TM9SF3: variants seen among roughly 807,000 people sequenced by gnomAD.
TM9SF3 encodes SM-11044-binding protein.
TM9SF3 carries 14 observed loss-of-function variants against 78.6 expected under a neutral mutation model. The observed-to-expected ratio is 0.18, with a 90% confidence interval of 0.12 to 0.28. The LOEUF (loss-of-function observed/expected upper bound fraction) is 0.28, where lower values mean the gene tolerates loss of function less well. Ranked by LOEUF, TM9SF3 falls within the 10% of genes least tolerant of loss-of-function variation. The pLI is 1.00. For missense variants in TM9SF3, 496 were observed against 721.9 expected (o/e 0.69, Z 3.59); for synonymous variants, 231 against 241.7 (o/e 0.96, Z 0.41).
chr10:96,551,150 A>G (rs949413056), intron 7 of TM9SF3, 95 bp downstream of exon 7: 1 of 1,016,212 alleles, frequency 9.8e-7, no homozygotes, highest in Non-Finnish European at 1.4e-6. Context: ...AAAGGAAATA[A>G]GTAACGATTT....
At chr10:96,551,873 A>G (rs1169601474) in intron 6 of TM9SF3, among the ~76,000 whole-genome samples, 1 of 152,214 alleles carries the variant, frequency 6.6e-6, no homozygotes, top group Non-Finnish European at 1.5e-5. Context: ...CTAAGAAAAC[A>G]TATGGGGGAA....
chr10:96,585,685 C>G (rs529485914), intron 1 of TM9SF3, among the ~76,000 whole-genome samples: 1 of 152,336 alleles, frequency 6.6e-6, no homozygotes, highest in African/African-American at 2.4e-5. Flanking sequence ...GTAAGGACGA[C>G]TGCTTCATTT....
At chr10:96,575,742 AAGG>A (rs1240309612) in intron 2 of TM9SF3, among the ~76,000 whole-genome samples, 4 of 151,962 alleles carry the variant, frequency 2.6e-5, no homozygotes, top group Admixed American at 1.3e-4. Context: ...AAAAAAAAAA[AAGG>A]AGGATTAAAA....
chr10:96,522,963 C>A (rs1196467211), intron 14 of TM9SF3, among the ~76,000 whole-genome samples: 2 of 151,768 alleles, frequency 1.3e-5, no homozygotes, highest in Non-Finnish European at 3.0e-5. Flanking sequence ...TTAGCCTCAA[C>A]CAGAGCTTAA....
At chr10:96,575,757 C>T (rs922715598) in intron 2 of TM9SF3, among the ~76,000 whole-genome samples, 1 of 149,152 alleles carries the variant, frequency 6.7e-6, no homozygotes, top group African/African-American at 2.5e-5. Flanking sequence ...GGATTAAAAT[C>T]CAAAGCTCCT....
chr10:96,519,693 T>C lies in TM9SF3; in HGVS notation c.*2570A>G, dbSNP rs1283741688. 2.0e-5 allele frequency: 3 copies of C among 151,946 alleles called. No individual in the cohort carries two copies. The highest frequency in any genetic ancestry group is 2.0e-4 in the Admixed American group (3 of 15,264). The allele number at this position is 151,946 out of a possible 1,614,324, so 9.4% of individuals were successfully genotyped here. A position where few individuals can be genotyped will look rare whatever the true frequency, so the allele number is the denominator to read the frequency against. ...GGGGTATAAAAACCTCACCTTTCAA[T>C]TAACTTGAATAATGTTCTATTTTCT... is the stretch of plus-strand genomic sequence containing the variant. On this transcript the variant is annotated 3_prime_UTR_variant, in exon 15 of 15. Coordinates refer to ENST00000371142, the MANE Select transcript of TM9SF3 (RefSeq NM_020123.4).
At chr10:96,580,670 C>T (rs963090549) in intron 1 of TM9SF3, among the ~76,000 whole-genome samples, 1 of 152,106 alleles carries the variant, frequency 6.6e-6, no homozygotes, top group African/African-American at 2.4e-5. Context: ...CCTCCTTTTT[C>T]AAATCCTCAA....
chr10:96,569,826 G>A (rs1848419389), intron 2 of TM9SF3, among the ~76,000 whole-genome samples: 1 of 152,158 alleles, frequency 6.6e-6, no homozygotes, highest in Non-Finnish European at 1.5e-5. Context: ...GAGGTCAGGA[G>A]ATCAAGACCA....
At chr10:96,540,753 G>A (rs1419942966) in intron 9 of TM9SF3, among the ~76,000 whole-genome samples, 2 of 118,974 alleles carry the variant, frequency 1.7e-5, no homozygotes, top group Non-Finnish European at 3.6e-5. Flanking sequence ...TCTAACATTG[G>A]TTTTATATTA....
intron 5 of TM9SF3, among the ~76,000 whole-genome samples, chr10:96,557,859 TCTA>T (rs1452601319): frequency 4.6e-5 from 7 of 152,218 alleles, no homozygotes; most frequent in African/African-American, 1.7e-4. Flanking sequence ...TGTTCTGCTG[TCTA>T]CTTTTTCTTT....
At chr10:96,542,680 A>C (rs553834592) in intron 9 of TM9SF3, among the ~76,000 whole-genome samples, 73 of 152,154 alleles carry the variant, frequency 4.8e-4, no homozygotes, top group Middle Eastern at 3.4e-3. Flanking sequence ...GACTCACTCT[A>C]TGTACTTTCT....
At position 96,522,157 on chromosome 10, in the gene TM9SF3, AGT is replaced by A. The variant is rs1847784474; in HGVS notation, c.*104_*105del. 1.1e-6 allele frequency: 1 copy of A among 889,872 alleles called. No homozygotes were observed. The highest frequency in any genetic ancestry group is 1.6e-5 in the South Asian group (1 of 63,526). The allele number at this position is 889,872 out of a possible 1,614,324, so 55.1% of individuals were successfully genotyped here. On this transcript the variant is annotated 3_prime_UTR_variant, in exon 15 of 15. Coordinates refer to ENST00000371142, the MANE Select transcript of TM9SF3 (RefSeq NM_020123.4). ...CGAAAGAGAGACCCACAAAGTACCC[AGT>A]GTGTTAAAGCCCAAATCTCTTCTTG...
rs1847772322 is a variant in TM9SF3, at chr10:96,521,502, T to C, written c.*761A>G. On this transcript the variant is annotated 3_prime_UTR_variant, in exon 15 of 15. Coordinates refer to ENST00000371142, the MANE Select transcript of TM9SF3 (RefSeq NM_020123.4). ...ATGTTTAATAAAAACAAGTATCTTC[T>C]CCATTTAACACTTTGCTTTCTAACT... is the stretch of plus-strand genomic sequence containing the variant. 6.6e-6 allele frequency: 1 copy of C among 152,342 alleles called. No homozygotes were observed. The highest frequency in any genetic ancestry group is 1.5e-5 in the Non-Finnish European group (1 of 67,842). 9.4% of individuals were successfully genotyped at this position (152,342 alleles called of 1,614,324 possible). A position where few individuals can be genotyped will look rare whatever the true frequency, so the allele number is the denominator to read the frequency against.
chr10:96,525,564 A>T (rs1156035), intron 14 of TM9SF3, among the ~76,000 whole-genome samples: 5 of 151,858 alleles, frequency 3.3e-5, no homozygotes, highest in African/African-American at 1.2e-4. Flanking sequence ...ACCAAGACTT[A>T]GCTTTTAATA....
chr10:96,565,190 C>A, intron 3 of TM9SF3, 114 bp downstream of exon 3: 1 of 1,008,404 alleles, frequency 9.9e-7, no homozygotes, highest in South Asian at 3.4e-5. Context: ...CTGTAAAAAA[C>A]AGTGAAAACA....
At chr10:96,582,635 T>C (rs896373803) in intron 1 of TM9SF3, among the ~76,000 whole-genome samples, 6 of 152,230 alleles carry the variant, frequency 3.9e-5, no homozygotes, top group African/African-American at 1.4e-4. Flanking sequence ...AACATGTCTG[T>C]AATGCATATG....
rs1847717608 is a variant in TM9SF3, at chr10:96,518,177, T to A, written c.*4086A>T. ...TAAATTAACACACTAGGTTAGAACC[T>A]CAATTGTATTTGATACATTATATAC... On this transcript the variant is annotated 3_prime_UTR_variant, in exon 15 of 15. Coordinates refer to ENST00000371142, the MANE Select transcript of TM9SF3 (RefSeq NM_020123.4). The A allele has an allele frequency of 6.6e-6, 1 of 152,222 alleles. No individual in the cohort carries two copies. The highest frequency in any genetic ancestry group is 1.5e-5 in the Non-Finnish European group (1 of 68,028). 9.4% of individuals were successfully genotyped at this position (152,222 alleles called of 1,614,324 possible). A position where few individuals can be genotyped will look rare whatever the true frequency, so the allele number is the denominator to read the frequency against.
chr10:96,538,602 AC>A (rs1156439477), intron 9 of TM9SF3, among the ~76,000 whole-genome samples: 1 of 152,218 alleles, frequency 6.6e-6, no homozygotes, highest in Non-Finnish European at 1.5e-5. Context: ...AAGACAACCC[AC>A]AAAATAGGAG....
At chr10:96,564,894 T>C (rs930605328) in intron 3 of TM9SF3, among the ~76,000 whole-genome samples, 10 of 152,038 alleles carry the variant, frequency 6.6e-5, no homozygotes, top group African/African-American at 2.2e-4. Flanking sequence ...TTCAAGAAAC[T>C]ATCATACCAA....
Sources: allele counts gnomAD v4.1 joint callset (sites outside exome capture counted in the v4.1 genomes callset), GRCh38; gene constraint gnomAD v4.1.1; transcripts MANE v1.5; gene names NCBI Gene and HGNC (gene_info 2026-07-23, HGNC 2026-07-21).